Variants in D2HGDH observed in about 807,000 individuals in gnomAD.
D2HGDH encodes D-2-hydroxyglutarate dehydrogenase.
D2HGDH carries 31 observed loss-of-function variants against 46.9 expected under a neutral mutation model. The ratio of observed to expected loss-of-function variants is 0.66; its 90% CI spans 0.50 to 0.89. The LOEUF (loss-of-function observed/expected upper bound fraction) is 0.89, where lower values mean the gene tolerates loss of function less well. Among genes scored for constraint, D2HGDH ranks in the 40% least tolerant of loss-of-function variants. The probability of loss-of-function intolerance (pLI) is 0.00; values close to 1 mark genes in which losing one functional copy is unlikely to be tolerated. For synonymous variants in D2HGDH, 364 were observed against 332.6 expected (o/e 1.09, Z -1.03); for missense variants, 698 against 720.8 (o/e 0.97, Z 0.36).
intron 2 of D2HGDH, among the ~76,000 whole-genome samples, chr2:241,740,435 C>T (rs1694125851): frequency 6.6e-6 from 1 of 152,260 alleles, no homozygotes; most frequent in Non-Finnish European, 1.5e-5. Context: ...CAATGCCTGG[C>T]CTGTGGGACT....
In D2HGDH at chr2:241,734,665, C is replaced by T. The variant is rs1446817182; in HGVS notation, c.-123C>T. ...GGCGGCTCTGGGCCTGCGGCGGGCG[C>T]TGCGGGTTGGAGCTCGGGACGTGAT... On this transcript the variant is annotated 5_prime_UTR_variant, in exon 1 of 10. Coordinates refer to ENST00000321264, the MANE Select transcript of D2HGDH (RefSeq NM_152783.5). The T allele has an allele frequency of 2.0e-5, 3 of 151,474 alleles. No individual in the cohort carries two copies. The highest frequency in any genetic ancestry group is 7.3e-5 in the African/African-American group (3 of 41,324). 9.4% of individuals were successfully genotyped at this position (151,474 alleles called of 1,614,324 possible).
intron 5 of D2HGDH, 137 bp from the exon 6 acceptor site, chr2:241,744,571 TC>T: frequency 9.3e-7 from 1 of 1,076,554 alleles, no homozygotes; most frequent in South Asian, 1.3e-5. Flanking sequence ...AGGGTGTCAC[TC>T]GTACAGGAGG....
rs1281796030 is a variant in D2HGDH at position 241,750,270 on chromosome 2, C to G, written c.973C>G (p.Leu325Val). Reference sequence around the variant, plus strand: ...GTGCATGCAGCTGGTCGGGCGCCATCTCCACCTGGCCAGCCCGGTGCAAGG... The same window carrying G: ...GTGCATGCAGCTGGTCGGGCGCCATGTCCACCTGGCCAGCCCGGTGCAAGG... ...AVCMQLVGRH[L>V]HLASPVQESP... Residue 325 changes from leucine (L) to valine (V), a missense_variant, in exon 7 of 10, where the codon CTC becomes GTC. Transcript: ENST00000321264. 1 of 1,613,614 alleles carries G rather than the reference C, an allele frequency of 6.2e-7. No homozygotes were observed. Among genetic ancestry groups the G allele is most frequent in the Non-Finnish European group, 8.5e-7 (1 of 1,180,048 alleles).
intron 2 of D2HGDH, among the ~76,000 whole-genome samples, chr2:241,737,496 T>TTTTA (rs10683058): frequency 0.43 from 65,689 of 151,810 alleles, 14,521 homozygotes; most frequent in African/African-American, 0.51. Flanking sequence ...TTTTCTCTTT[T>TTTTA]TTTATTTTTT....
At chr2:241,761,296 C>T (rs1175194543) in intron 9 of D2HGDH, among the ~76,000 whole-genome samples, 2 of 151,996 alleles carry the variant, frequency 1.3e-5, no homozygotes, top group African/African-American at 2.4e-5. Flanking sequence ...CCCAGCAATA[C>T]GGGAGGCCAA....
intron 6 of D2HGDH, among the ~76,000 whole-genome samples, chr2:241,745,463 C>T (rs1225045353): frequency 2.0e-5 from 3 of 152,208 alleles, no homozygotes; most frequent in Non-Finnish European, 2.9e-5. Flanking sequence ...TCGCACAGCC[C>T]GGCAGTCTTC....
chr2:241,759,184 A>G (rs1698505555), intron 9 of D2HGDH, among the ~76,000 whole-genome samples: 1 of 152,150 alleles, frequency 6.6e-6, no homozygotes, highest in Admixed American at 6.6e-5. Context: ...CAGTTGCTGG[A>G]ATCAGTGTTT....
At chr2:241,737,332 T>C (rs1408758895) in intron 2 of D2HGDH, among the ~76,000 whole-genome samples, 1 of 152,228 alleles carries the variant, frequency 6.6e-6, no homozygotes, top group Non-Finnish European at 1.5e-5. Flanking sequence ...ACGTATCTTT[T>C]TGGAGCCCAT....
At chr2:241,736,928 T>C (rs1693033658) in intron 2 of D2HGDH, among the ~76,000 whole-genome samples, 1 of 152,176 alleles carries the variant, frequency 6.6e-6, no homozygotes, top group South Asian at 2.1e-4. Flanking sequence ...CCCAAAGTGC[T>C]GAGATGACAG....
intron 8 of D2HGDH, among the ~76,000 whole-genome samples, chr2:241,753,177 G>A (rs555850419): frequency 9.2e-5 from 14 of 152,332 alleles, no homozygotes; most frequent in South Asian, 2.1e-4. Flanking sequence ...CATGCTCGAC[G>A]GGTAGGTAAT....
intron 6 of D2HGDH, chr2:241,749,038 C>G (rs1021242714): frequency 3.0e-6 from 3 of 1,002,350 alleles, no homozygotes; most frequent in African/African-American, 3.5e-5. Context: ...CCCTCGTGCT[C>G]GTGGGCTCGG....
chr2:241,744,681 G>A (rs1273263184), intron 5 of D2HGDH, 28 bp from the exon 6 acceptor site: 1 of 1,614,170 alleles, frequency 6.2e-7, no homozygotes, highest in Admixed American at 1.7e-5. Context: ...GCTGGCAGGT[G>A]GGTGAACGTG....
At chr2:241,749,946 C>G (rs925163515) in intron 6 of D2HGDH, 4 of 685,054 alleles carry the variant, frequency 5.8e-6, no homozygotes, top group African/African-American at 1.8e-5. Flanking sequence ...ACCTACCCCT[C>G]CTGATCTGAT....
Position 241,735,490 on chromosome 2 carries a change from A to C in D2HGDH, c.266A>C (p.Asn89Thr), listed in dbSNP as rs1268112256. 1.2e-6 allele frequency: 2 copies of C among 1,608,276 alleles called. No homozygotes were observed. Among genetic ancestry groups the C allele is most frequent in the Non-Finnish European group, 1.7e-6 (2 of 1,179,802 alleles). ...VTDPEALQAPNVDWLRTLRGC... is the reference protein window; with the variant it reads ...VTDPEALQAPTVDWLRTLRGC... The stretch of plus-strand genomic sequence containing the variant: ...GACCCGGAAGCGCTGCAGGCTCCCA[A>C]CGTGGACTGGTTGCGGACGCTGCGA... The change falls in exon 2 of 10, where the codon AAC becomes ACC. Residue 89 changes from asparagine to threonine, a missense_variant. Physicochemically the swap from Asn to Thr is moderately conservative, Grantham distance 65. Coordinates refer to ENST00000321264, the MANE Select transcript of D2HGDH (RefSeq NM_152783.5).
At chr2:241,739,841 C>G (rs1159820657) in intron 2 of D2HGDH, among the ~76,000 whole-genome samples, 1 of 152,236 alleles carries the variant, frequency 6.6e-6, no homozygotes, top group Non-Finnish European at 1.5e-5. Flanking sequence ...AAAGCCCTCC[C>G]TCGTGGCAGA....
In D2HGDH at chr2:241,735,536, CT is replaced by C. The variant is rs1692523282; in HGVS notation, c.292+21del. 1 of 1,601,620 alleles carries C rather than the reference CT, an allele frequency of 6.2e-7. No individual in the cohort carries two copies. The highest frequency in any genetic ancestry group is 1.7e-4 in the Middle Eastern group (1 of 5,804). On this transcript the variant is annotated intron_variant, in intron 2 of 9. Transcript: ENST00000321264. ...TGCGAGGTGGGTGAGGCTTGGGAAG[CT>C]GCGGCGTTTCCGCGTCCCTGCTCCG...
Position 241,768,194 on chromosome 2 carries a change from G to T in D2HGDH, c.*225G>T. The T allele has an allele frequency of 1.4e-6, 1 of 700,378 alleles. No individual in the cohort carries two copies. The allele number at this position is 700,378 out of a possible 1,614,324, so 43.4% of individuals were successfully genotyped here. On this transcript the variant is annotated 3_prime_UTR_variant, in exon 10 of 10. Coordinates refer to ENST00000321264, the MANE Select transcript of D2HGDH (RefSeq NM_152783.5). ...GGCACCCTCCTTTGCAGGGCGAGGT[G>T]GGGCCTCTGCAGCCATCCTGGACAG...
chr2:241,755,414 T>A (rs1323423483), intron 8 of D2HGDH: 1 of 1,307,088 alleles, frequency 7.7e-7, no homozygotes, highest in Non-Finnish European at 1.0e-6. Context: ...CCAGGCCCAT[T>A]CTCATCCTCA....
chr2:241,756,617 G>C (rs1698210883), intron 9 of D2HGDH, among the ~76,000 whole-genome samples: 1 of 152,166 alleles, frequency 6.6e-6, no homozygotes, highest in African/African-American at 2.4e-5. Context: ...CATCTTCTGG[G>C]TTCAAGCAAT....
Sources: allele counts gnomAD v4.1 joint callset (sites outside exome capture counted in the v4.1 genomes callset), GRCh38; gene constraint gnomAD v4.1.1; transcripts MANE v1.5; gene names NCBI Gene and HGNC (gene_info 2026-07-23, HGNC 2026-07-21).